Variants in CEP128 observed in about 807,000 individuals in gnomAD.
CEP128 encodes centrosomal protein 128kDa.
Under a neutral mutation model 156.7 loss-of-function variants are expected in CEP128, and 132 were observed. The ratio of observed to expected loss-of-function variants is 0.84; its 90% CI spans 0.73 to 0.97. The LOEUF is 0.97. CEP128 is among the 50% of genes least tolerant of loss of function. CEP128 has a pLI of 0.00. For missense variants in CEP128, 1,252 were observed against 1,281.9 expected (o/e 0.98, Z 0.36); for synonymous variants, 469 against 448.9 (o/e 1.04, Z -0.57).
At chr14:80,846,535 G>A (rs535531120) in intron 9 of CEP128, among the ~76,000 whole-genome samples, 41 of 152,154 alleles carry the variant, frequency 2.7e-4, no homozygotes, top group Admixed American at 1.6e-3. Context: ...GATCAACCCC[G>A]GAAGGCATCC....
intron 2 of CEP128, among the ~76,000 whole-genome samples, chr14:80,933,973 G>A (rs887017276): frequency 6.6e-6 from 1 of 152,142 alleles, no homozygotes; most frequent in East Asian, 1.9e-4. Flanking sequence ...CTGATGCCAG[G>A]GAGGTCCGAT....
intron 21 of CEP128, among the ~76,000 whole-genome samples, chr14:80,534,676 T>C (rs989823262): frequency 6.6e-6 from 1 of 151,874 alleles, no homozygotes; most frequent in Non-Finnish European, 1.5e-5. Flanking sequence ...ATACAAAAAA[T>C]TAGCCGGGCG....
At chr14:80,903,627 T>C (rs964120542) in intron 6 of CEP128, among the ~76,000 whole-genome samples, 3 of 150,002 alleles carry the variant, frequency 2.0e-5, no homozygotes, top group African/African-American at 4.9e-5. Context: ...ATCCAAAATA[T>C]ATAAAGAACT....
intron 23 of CEP128, among the ~76,000 whole-genome samples, chr14:80,520,093 A>G (rs1482058297): frequency 1.3e-5 from 2 of 152,226 alleles, no homozygotes; most frequent in Non-Finnish European, 2.9e-5. Flanking sequence ...CAAATTTACC[A>G]TTGGGAATCC....
chr14:80,757,967 G>A (rs919898828), intron 17 of CEP128, among the ~76,000 whole-genome samples: 1 of 151,942 alleles, frequency 6.6e-6, no homozygotes, highest in African/African-American at 2.4e-5. Flanking sequence ...CTAATCACCC[G>A]AGTTCACAGT....
intron 19 of CEP128, among the ~76,000 whole-genome samples, chr14:80,596,364 AC>A (rs1490134950): frequency 6.6e-6 from 1 of 152,216 alleles, no homozygotes; most frequent in East Asian, 1.9e-4. Flanking sequence ...TCAAAAATTG[AC>A]AGAAAAACTT....
chr14:80,510,420 T>C (rs1434704268), intron 23 of CEP128, among the ~76,000 whole-genome samples: 2 of 152,138 alleles, frequency 1.3e-5, no homozygotes, highest in Non-Finnish European at 2.9e-5. Flanking sequence ...TTTCACATCG[T>C]CCACTGTTGG....
chr14:80,956,554 G>A (rs1228340987), intron 2 of CEP128, among the ~76,000 whole-genome samples: 1 of 152,170 alleles, frequency 6.6e-6, no homozygotes, highest in Non-Finnish European at 1.5e-5. Flanking sequence ...TTTCTTAACA[G>A]CAATTTAAAT....
chr14:80,563,524 C>CTTTT lies in CEP128; in HGVS notation c.2857-4226_2857-4223dup, dbSNP rs540593415. Among the ~76,000 whole-genome samples the CTTTT allele has an allele frequency of 8.9e-4, 70 of 78,878 alleles. 9 individuals are homozygous for CTTTT. Among genetic ancestry groups the CTTTT allele is most frequent in the African/African-American group, 3.4e-3 (57 of 16,976 alleles). 51.7% of individuals were successfully genotyped at this position (78,878 alleles called of 152,430 possible). On this transcript the variant is annotated intron_variant, in intron 20 of 24. Coordinates refer to ENST00000555265, the MANE Select transcript of CEP128 (RefSeq NM_152446.5). Reference sequence around the variant, plus strand: ...GAAGCCTACCCATGGGCCTCCAAATCTTTTTTTTTTTTTTTTTTTTTTTTT... The same window carrying CTTTT: ...GAAGCCTACCCATGGGCCTCCAAATCTTTTTTTTTTTTTTTTTTTTTTTTTTTTT...
rs955123344 is a variant in CEP128, at chr14:80,580,725, G to T, written c.2807-302C>A. ...ATCTGTAATCATACCAATATTTTAA[G>T]AATTTGGTCTCATGCTTATATAACT... is the stretch of plus-strand genomic sequence containing the variant. On this transcript the variant is annotated intron_variant, in intron 19 of 24. Coordinates refer to ENST00000555265, the MANE Select transcript of CEP128 (RefSeq NM_152446.5). Among the ~76,000 whole-genome samples, 4 of 152,162 alleles carry T rather than the reference G, an allele frequency of 2.6e-5. 1 individual carries two copies. Among genetic ancestry groups the T allele is most frequent in the African/African-American group, 7.2e-5 (3 of 41,520 alleles).
chr14:80,894,075 C>T (rs542502428), intron 8 of CEP128, among the ~76,000 whole-genome samples: 1 of 151,956 alleles, frequency 6.6e-6, no homozygotes, highest in East Asian at 1.9e-4. Flanking sequence ...CATAAGAGAA[C>T]ATCTTCGTGA....
chr14:80,646,156 A>G (rs553858032), intron 19 of CEP128, among the ~76,000 whole-genome samples: 1 of 152,282 alleles, frequency 6.6e-6, no homozygotes, highest in East Asian at 1.9e-4. Flanking sequence ...CAAAACCTAC[A>G]GAACGTAAAA....
At chr14:80,921,342 CAAG>C (rs1188329783) in intron 2 of CEP128, among the ~76,000 whole-genome samples, 8 of 152,032 alleles carry the variant, frequency 5.3e-5, no homozygotes, top group African/African-American at 9.7e-5. Flanking sequence ...GGTGGTTTTA[CAAG>C]AAGAAGAGAG....
intron 14 of CEP128, among the ~76,000 whole-genome samples, chr14:80,483,649 T>C (rs1022739212): frequency 6.6e-6 from 1 of 152,222 alleles, no homozygotes; most frequent in African/African-American, 2.4e-5. Context: ...GGAAAGATGG[T>C]TGAGAGTATA....
intron 19 of CEP128, among the ~76,000 whole-genome samples, chr14:80,632,394 A>C (rs894512447): frequency 2.7e-5 from 4 of 148,808 alleles, no homozygotes; most frequent in African/African-American, 9.8e-5. Context: ...TACTCTGTAT[A>C]TACTGCATAT....
At chr14:80,624,162 G>A (rs1456514680) in intron 19 of CEP128, among the ~76,000 whole-genome samples, 1 of 152,092 alleles carries the variant, frequency 6.6e-6, no homozygotes, top group African/African-American at 2.4e-5. Flanking sequence ...ACATATGAGT[G>A]AGAACACGCA....
intron 19 of CEP128, among the ~76,000 whole-genome samples, chr14:80,729,850 G>C (rs1453730051): frequency 1.3e-5 from 2 of 152,066 alleles, no homozygotes; most frequent in African/African-American, 4.8e-5. Flanking sequence ...AAACACATTT[G>C]GTGAAATATT....
chr14:80,849,082 T>TA (rs1886757824), intron 9 of CEP128, among the ~76,000 whole-genome samples: 2 of 152,118 alleles, frequency 1.3e-5, no homozygotes, highest in South Asian at 2.1e-4. Context: ...GTTTCCAATT[T>TA]AAAAAAATAT....
At chr14:80,612,367 T>G (rs1224235609) in intron 19 of CEP128, among the ~76,000 whole-genome samples, 1 of 152,230 alleles carries the variant, frequency 6.6e-6, no homozygotes, top group Non-Finnish European at 1.5e-5. Flanking sequence ...TCTAATTCTA[T>G]TCTAATATTA....
Sources: allele counts gnomAD v4.1 joint callset (sites outside exome capture counted in the v4.1 genomes callset), GRCh38; gene constraint gnomAD v4.1.1; transcripts MANE v1.5; gene names NCBI Gene and HGNC (gene_info 2026-07-23, HGNC 2026-07-21).